Variants in PCDH15 observed in about 807,000 individuals in gnomAD.
PCDH15 encodes the protein protocadherin related 15.
In PCDH15, 129 loss-of-function variants were observed where a neutral mutation model predicts 178.5. The ratio of observed to expected loss-of-function variants is 0.72; its 90% CI spans 0.63 to 0.84. The LOEUF (loss-of-function observed/expected upper bound fraction) is 0.84. PCDH15 is among the 40% of genes least tolerant of loss of function. PCDH15 has a pLI of 0.00. For synonymous variants in PCDH15, 800 were observed against 732.0 expected (o/e 1.09, Z -1.50); for missense variants, 2,230 against 2,099.9 (o/e 1.06, Z -1.21).
intron 2 of PCDH15, among the ~76,000 whole-genome samples, chr10:55,393,081 A>T (rs958055558): frequency 6.6e-6 from 1 of 151,976 alleles, no homozygotes; most frequent in African/African-American, 2.4e-5. Context: ...ATGAGTTCAG[A>T]GATCATCTTG....
intron 2 of PCDH15, among the ~76,000 whole-genome samples, chr10:55,123,581 A>C (rs1837825289): frequency 6.6e-6 from 1 of 152,132 alleles, no homozygotes; most frequent in Non-Finnish European, 1.5e-5. Context: ...CTGAATAGTA[A>C]ACATTTTATT....
At chr10:55,024,438 A>C (rs1303421110) in intron 2 of PCDH15, among the ~76,000 whole-genome samples, 1 of 121,398 alleles carries the variant, frequency 8.2e-6, no homozygotes, top group East Asian at 2.7e-4. Flanking sequence ...TAAAGGGATA[A>C]TATATTATAT....
intron 2 of PCDH15, among the ~76,000 whole-genome samples, chr10:55,354,889 T>C (rs1253064312): frequency 6.6e-6 from 1 of 152,060 alleles, no homozygotes; most frequent in Non-Finnish European, 1.5e-5. Context: ...TCACTCAGGC[T>C]TACCCTTTGT....
At chr10:53,925,299 G>A (rs1310776286) in intron 25 of PCDH15, among the ~76,000 whole-genome samples, 1 of 151,688 alleles carries the variant, frequency 6.6e-6, no homozygotes, top group Admixed American at 6.6e-5. Context: ...TGGGAGGAAC[G>A]AATAACCCCA....
intron 2 of PCDH15, among the ~76,000 whole-genome samples, chr10:54,995,853 C>T (rs1839630592): frequency 6.6e-6 from 1 of 151,968 alleles, no homozygotes; most frequent in African/African-American, 2.4e-5. Context: ...ACAAACTCCT[C>T]TTCCTTACAT....
At chr10:54,599,419 A>C (rs568032505) in intron 2 of PCDH15, among the ~76,000 whole-genome samples, 1 of 152,258 alleles carries the variant, frequency 6.6e-6, no homozygotes, top group Non-Finnish European at 1.5e-5. Context: ...ACAACTCCCT[A>C]TTCAATAAAT....
At chr10:55,275,176 T>C (rs1424674545) in intron 1 of PCDH15, among the ~76,000 whole-genome samples, 3 of 152,216 alleles carry the variant, frequency 2.0e-5, no homozygotes, top group South Asian at 2.1e-4. Flanking sequence ...ATCTGTTTAA[T>C]GGTATTTTTT....
chr10:55,281,757 T>G (rs1029883591), intron 1 of PCDH15, among the ~76,000 whole-genome samples: 2 of 152,006 alleles, frequency 1.3e-5, no homozygotes, highest in Admixed American at 6.6e-5. Context: ...AAACCAAACT[T>G]CTCACTCTAC....
chr10:55,013,411 C>A (rs1284352605), intron 2 of PCDH15, among the ~76,000 whole-genome samples: 4 of 133,220 alleles, frequency 3.0e-5, no homozygotes. Context: ...ACCTGGTTAC[C>A]ACACCAGGCA....
At chr10:54,310,666 C>G (rs1400504297) in intron 8 of PCDH15, among the ~76,000 whole-genome samples, 1 of 151,950 alleles carries the variant, frequency 6.6e-6, no homozygotes, top group Non-Finnish European at 1.5e-5. Flanking sequence ...GAAGACTTAT[C>G]TACAACAAAT....
intron 14 of PCDH15, among the ~76,000 whole-genome samples, chr10:54,140,837 C>A (rs547543286): frequency 4.9e-4 from 74 of 152,192 alleles, no homozygotes; most frequent in Non-Finnish European, 8.2e-4. Flanking sequence ...GCATGTGCCA[C>A]AACACCTGGC....
chr10:55,221,087 T>C (rs1272397478), intron 1 of PCDH15, among the ~76,000 whole-genome samples: 2 of 152,068 alleles, frequency 1.3e-5, no homozygotes, highest in Admixed American at 6.6e-5. Context: ...AAGTCCCTAA[T>C]ACTCATGACA....
intron 1 of PCDH15, among the ~76,000 whole-genome samples, chr10:54,723,104 A>G (rs1941912678): frequency 6.6e-6 from 1 of 151,778 alleles, no homozygotes; most frequent in Non-Finnish European, 1.5e-5. Context: ...CCTAAGCAAA[A>G]AGGACGAATC....
At chr10:54,752,715 T>C (rs951368812) in intron 1 of PCDH15, among the ~76,000 whole-genome samples, 1 of 39,120 alleles carries the variant, frequency 2.6e-5, no homozygotes, top group Non-Finnish European at 7.4e-5. Context: ...AATGAAAGTA[T>C]ATAAAGCCAA....
chr10:55,419,075 G>A lies in PCDH15; in HGVS notation c.-156+208550C>T, dbSNP rs190711522. ...GCAGAAACCTCATATATCTCTAAGTGGGTTTGTAAATTGAAGCCCAGCATA... is the reference window on the plus strand; with the variant it reads ...GCAGAAACCTCATATATCTCTAAGTAGGTTTGTAAATTGAAGCCCAGCATA... On this transcript the variant is annotated intron_variant, in intron 2 of 5. Transcript: ENST00000613346. 3.3e-5 allele frequency among the ~76,000 whole-genome samples: 5 copies of A among 151,738 alleles called. No individual in the cohort carries two copies. The Admixed American group carries it at 3.3e-4, about 10-fold the overall frequency.
At chr10:53,839,490 A>G (rs1205010858) in intron 29 of PCDH15, among the ~76,000 whole-genome samples, 3 of 152,070 alleles carry the variant, frequency 2.0e-5, no homozygotes, top group East Asian at 1.9e-4. Context: ...ATAGACAAAG[A>G]AAAACTAAAT....
In PCDH15 at chr10:54,216,765, C is replaced by T. The variant is rs1212007140; in HGVS notation, c.986-2717G>A. Among the ~76,000 whole-genome samples the T allele has an allele frequency of 3.3e-5, 5 of 152,070 alleles. No homozygotes were observed. In the East Asian group the frequency reaches 9.7e-4, roughly 29 times the overall value. On this transcript the variant is annotated intron_variant, in intron 9 of 37. Transcript: ENST00000644397. ...GCTACCAAAATAATATTAATGTTTA[C>T]TTTTTGACCCATACATCCCACATCT...
At chr10:54,219,093 A>G (rs1373816261) in intron 9 of PCDH15, among the ~76,000 whole-genome samples, 1 of 16,030 alleles carries the variant, frequency 6.2e-5, no homozygotes, top group East Asian at 2.7e-4. Flanking sequence ...CTCTACTAAA[A>G]AAAAAAAAAA....
chr10:53,879,282 G>A (rs2080515455), intron 26 of PCDH15, among the ~76,000 whole-genome samples: 1 of 152,076 alleles, frequency 6.6e-6, no homozygotes, highest in Admixed American at 6.6e-5. Context: ...TGCCACTGAG[G>A]AAAGTATAGT....
Sources: gnomAD v4.1 joint callset for allele counts (sites outside exome capture counted in the v4.1 genomes callset) on GRCh38, gnomAD v4.1.1 for gene constraint, MANE v1.5 for transcripts, NCBI Gene and HGNC (gene_info 2026-07-23, HGNC 2026-07-21) for gene names.